Variants in CS observed in about 807,000 individuals in gnomAD.
The protein encoded by CS is citrate synthase, mitochondrial.
A neutral mutation model predicts 61.4 loss-of-function variants in CS; 13 were observed. The observed-to-expected ratio is 0.21, with a 90% CI of 0.14 to 0.34. The LOEUF is 0.34. Ranked by LOEUF, CS falls within the 10% of genes least tolerant of loss-of-function variation. CS has a pLI of 1.00. For synonymous variants in CS, 159 were observed against 215.2 expected (o/e 0.74, Z 2.29); for missense variants, 278 against 573.4 (o/e 0.48, Z 5.26).
chr12:56,280,437 A>AAC (rs1555162647), intron 6 of CS, among the ~76,000 whole-genome samples: 1 of 144,190 alleles, frequency 6.9e-6, no homozygotes, highest in Admixed American at 7.0e-5. Context: ...AAAAAAAAAA[A>AAC]CAAAAAAATT....
intron 2 of CS, 34 bp from the exon 3 acceptor site, chr12:56,286,057 C>G (rs1336341610): frequency 3.7e-5 from 57 of 1,555,006 alleles, no homozygotes; most frequent in Non-Finnish European, 5.1e-5. Context: ...AAGCAATGGT[C>G]TAAAAGTTTA....
At chr12:56,278,467 G>A (rs750525086) in intron 6 of CS, among the ~76,000 whole-genome samples, 1 of 152,046 alleles carries the variant, frequency 6.6e-6, no homozygotes, top group Non-Finnish European at 1.5e-5. Flanking sequence ...GGCCAAGCAC[G>A]GTGGCTCACA....
intron 1 of CS, among the ~76,000 whole-genome samples, chr12:56,296,321 G>GGCGTGGCTGT (rs1232213220): frequency 1.3e-5 from 2 of 152,046 alleles, no homozygotes; most frequent in Non-Finnish European, 2.9e-5. Flanking sequence ...AAATTAGCCA[G>GGCGTGGCTGT]GCGTGGCTGT....
intron 9 of CS, chr12:56,274,513 C>A: frequency 3.2e-6 from 1 of 315,280 alleles, no homozygotes; most frequent in Non-Finnish European, 5.8e-6. Context: ...AGTGTAGTGG[C>A]TATTCACAGG....
At chr12:56,295,033 TG>T (rs1873252360) in intron 1 of CS, among the ~76,000 whole-genome samples, 1 of 151,958 alleles carries the variant, frequency 6.6e-6, no homozygotes, top group South Asian at 2.1e-4. Flanking sequence ...CCCAAAGGGC[TG>T]GGATTACAGG....
At chr12:56,291,129 A>G in intron 1 of CS, 1 of 596,026 alleles carries the variant, frequency 1.7e-6, no homozygotes, top group East Asian at 1.1e-4. Flanking sequence ...TAAATAAAAT[A>G]ATTTTCATAA....
intron 6 of CS, among the ~76,000 whole-genome samples, chr12:56,278,650 T>C (rs970526025): frequency 1.3e-5 from 2 of 151,408 alleles, no homozygotes; most frequent in African/African-American, 2.4e-5. Context: ...GGCAGGAAAA[T>C]TGCTTGAACC....
chr12:56,278,471 G>A (rs1287474021), intron 6 of CS, among the ~76,000 whole-genome samples: 1 of 152,058 alleles, frequency 6.6e-6, no homozygotes, highest in Non-Finnish European at 1.5e-5. Flanking sequence ...AAGCACGGTG[G>A]CTCACACCTG....
At chr12:56,280,443 A>C (rs1872749541) in intron 6 of CS, among the ~76,000 whole-genome samples, 1 of 143,924 alleles carries the variant, frequency 6.9e-6, no homozygotes, top group African/African-American at 2.5e-5. Flanking sequence ...AAAAACAAAA[A>C]AATTAGCCAG....
At chr12:56,276,523 T>C (rs182210610) in intron 6 of CS, among the ~76,000 whole-genome samples, 1 of 152,330 alleles carries the variant, frequency 6.6e-6, no homozygotes, top group East Asian at 1.9e-4. Flanking sequence ...TTAGGTTAAA[T>C]GCTAAAGTCA....
intron 4 of CS, among the ~76,000 whole-genome samples, chr12:56,283,266 C>T (rs773653): frequency 0.35 from 52,836 of 151,796 alleles, 10,922 homozygotes; most frequent in South Asian, 0.55. Context: ...TTTTTTGAGA[C>T]GGAGTCTCAC....
intron 1 of CS, among the ~76,000 whole-genome samples, chr12:56,294,019 C>T (rs920571375): frequency 6.6e-6 from 1 of 152,206 alleles, no homozygotes; most frequent in Non-Finnish European, 1.5e-5. Context: ...GTGTGTGTTT[C>T]ACAACGGTGA....
chr12:56,300,299 G>T lies in CS; in HGVS notation c.-98C>A. On this transcript the variant is annotated 5_prime_UTR_variant, in exon 1 of 11. Transcript: ENST00000351328. ...CGCTGCACCAGAGGCCGCGCCGACGGGTTGACAAGGTTGAAAGGAGGCGGC... is the reference window on the plus strand; with the variant it reads ...CGCTGCACCAGAGGCCGCGCCGACGTGTTGACAAGGTTGAAAGGAGGCGGC... 1.6e-6 allele frequency: 2 copies of T among 1,283,406 alleles called. No individual in the cohort carries two copies. The highest frequency in any genetic ancestry group is 1.3e-5 in the South Asian group (1 of 76,878). The allele number at this position is 1,283,406 out of a possible 1,614,324, so 79.5% of individuals were successfully genotyped here.
intron 1 of CS, 30 bp downstream of exon 1, chr12:56,300,130 G>T (rs1365419940): frequency 6.4e-7 from 1 of 1,552,068 alleles, no homozygotes; most frequent in Non-Finnish European, 8.7e-7. Flanking sequence ...CCCACCCTGG[G>T]ACGGCGTGCT....
intron 8 of CS, 31 bp from the exon 9 acceptor site, chr12:56,274,909 G>A (rs1872591608): frequency 6.8e-6 from 11 of 1,606,342 alleles, no homozygotes; most frequent in Middle Eastern, 1.7e-4. Context: ...AAAAGGGAAT[G>A]TTAATACATA....
At chr12:56,284,917 G>A (rs1403780819) in intron 3 of CS, among the ~76,000 whole-genome samples, 3 of 150,776 alleles carry the variant, frequency 2.0e-5, no homozygotes, top group Non-Finnish European at 3.0e-5. Flanking sequence ...AAAAAAAACA[G>A]GGTTTTGCCA....
chr12:56,275,653 A>ATGATGC (rs1872607427), intron 7 of CS: 2 of 320,626 alleles, frequency 6.2e-6, no homozygotes, highest in African/African-American at 2.2e-5. Context: ...TTACTGGTTG[A>ATGATGC]TGATGCCTGT....
intron 1 of CS, chr12:56,298,674 G>A: frequency 1.0e-6 from 1 of 985,432 alleles, no homozygotes; most frequent in Non-Finnish European, 1.2e-6. Context: ...TGCTCAGCTA[G>A]TACTTGCCAC....
chr12:56,276,235 T>G (rs1180501357), intron 6 of CS, 40 bp from the exon 7 acceptor site: 3 of 1,594,712 alleles, frequency 1.9e-6, no homozygotes, highest in Non-Finnish European at 2.6e-6. Context: ...AAAAAGGAAT[T>G]ATCAGCAAAG....
Sources: allele counts gnomAD v4.1 joint callset (sites outside exome capture counted in the v4.1 genomes callset), GRCh38; gene constraint gnomAD v4.1.1; transcripts MANE v1.5; gene names NCBI Gene and HGNC (gene_info 2026-07-23, HGNC 2026-07-21).